Variants in MSRB3 observed in about 807,000 individuals in gnomAD.
MSRB3 encodes the protein methionine sulfoxide reductase B3, also known as methionine-R-sulfoxide reductase B3.
MSRB3 carries 13 observed loss-of-function variants against 21.0 expected under a neutral mutation model. The observed-to-expected ratio is 0.62, with a 90% CI of 0.40 to 0.98. MSRB3 has a LOEUF of 0.98. Ranked by LOEUF, MSRB3 falls within the 50% of genes least tolerant of loss-of-function variation. MSRB3 has a pLI of 0.00. For synonymous variants in MSRB3, 87 were observed against 88.6 expected, an observed-to-expected ratio of 0.98 and a Z score of 0.10; for missense variants, 199 against 230.3, an observed-to-expected ratio of 0.86 and a Z score of 0.88.
intron 4 of MSRB3, among the ~76,000 whole-genome samples, chr12:65,357,653 T>A (rs1218051881): frequency 2.0e-5 from 3 of 151,980 alleles, no homozygotes; most frequent in African/African-American, 7.2e-5. Context: ...TTCTCTTGGC[T>A]GTGACAGTTT....
chr12:65,405,281 A>G (rs1880351006), intron 5 of MSRB3, among the ~76,000 whole-genome samples: 1 of 152,090 alleles, frequency 6.6e-6, no homozygotes, highest in South Asian at 2.1e-4. Flanking sequence ...CAACTTTTTA[A>G]GATTCCACAT....
In MSRB3 at chr12:65,466,532, A is replaced by G. The variant is rs377347676; in HGVS notation, c.*3210A>G. 7.2e-5 allele frequency: 11 copies of G among 152,288 alleles called. No homozygotes were observed. The East Asian group carries it at 2.1e-3, about 29-fold the overall frequency. The allele number at this position is 152,288 out of a possible 1,614,324, so 9.4% of individuals were successfully genotyped here. On this transcript the variant is annotated 3_prime_UTR_variant, in exon 7 of 7. Coordinates refer to ENST00000308259, the MANE Select transcript of MSRB3 (RefSeq NM_001031679.3). ...AAGATGCAGAATTCTGTTGGTGTGC[A>G]AAAAGTATAGCCTTACATTCAAGCA...
intron 5 of MSRB3, among the ~76,000 whole-genome samples, chr12:65,435,067 T>G (rs1292551159): frequency 1.3e-5 from 2 of 151,888 alleles, no homozygotes; most frequent in Admixed American, 1.3e-4. Flanking sequence ...ACTTAATGAC[T>G]AAGTGGATAT....
chr12:65,396,696 A>AGAAAGAAAGAAAG (rs1555209314), intron 5 of MSRB3, among the ~76,000 whole-genome samples: 6 of 23,506 alleles, frequency 2.6e-4, no homozygotes, highest in African/African-American at 7.3e-4. Flanking sequence ...CATCTCAAAA[A>AGAAAGAAAGAAAG]AAAAAAAAAA....
chr12:65,288,603 A>G (rs1872519692), intron 1 of MSRB3, among the ~76,000 whole-genome samples: 1 of 152,204 alleles, frequency 6.6e-6, no homozygotes, highest in African/African-American at 2.4e-5. Flanking sequence ...CAGAAGCATC[A>G]TATTAAATAT....
intron 5 of MSRB3, among the ~76,000 whole-genome samples, chr12:65,412,881 A>G (rs891037479): frequency 6.6e-6 from 1 of 152,196 alleles, no homozygotes; most frequent in Non-Finnish European, 1.5e-5. Context: ...GCAAGGTGGC[A>G]GGAAGGAGAA....
At chr12:65,425,487 G>T (rs916884010) in intron 5 of MSRB3, among the ~76,000 whole-genome samples, 1 of 151,690 alleles carries the variant, frequency 6.6e-6, no homozygotes, top group African/African-American at 2.4e-5. Context: ...TGGTATTTTT[G>T]ATTTCTCACT....
intron 5 of MSRB3, among the ~76,000 whole-genome samples, chr12:65,444,230 C>T (rs1196937330): frequency 6.6e-6 from 1 of 152,112 alleles, no homozygotes; most frequent in African/African-American, 2.4e-5. Context: ...AAGCTCCAGC[C>T]ATATTGATTG....
chr12:65,390,541 C>T (rs972125970), intron 5 of MSRB3, among the ~76,000 whole-genome samples: 3 of 152,174 alleles, frequency 2.0e-5, no homozygotes, highest in Non-Finnish European at 2.9e-5. Context: ...GAGATGTTTA[C>T]TCTTGAATAT....
At chr12:65,331,554 C>G (rs1160491217) in intron 4 of MSRB3, among the ~76,000 whole-genome samples, 2 of 152,196 alleles carry the variant, frequency 1.3e-5, no homozygotes, top group Non-Finnish European at 2.9e-5. Flanking sequence ...GAAATTTACC[C>G]TCTGGGATGC....
At chr12:65,288,486 T>G (rs1038416128) in intron 1 of MSRB3, among the ~76,000 whole-genome samples, 3 of 152,200 alleles carry the variant, frequency 2.0e-5, no homozygotes, top group Non-Finnish European at 4.4e-5. Flanking sequence ...GCATCTAAGA[T>G]CTTATGTTTG....
chr12:65,416,563 A>G (rs545181883), intron 5 of MSRB3, among the ~76,000 whole-genome samples: 11 of 152,356 alleles, frequency 7.2e-5, no homozygotes, highest in Non-Finnish European at 1.5e-4. Context: ...CTTTTAGGCT[A>G]CTAACCTCCA....
intron 5 of MSRB3, among the ~76,000 whole-genome samples, chr12:65,389,465 A>G (rs927355763): frequency 2.0e-4 from 31 of 151,846 alleles, no homozygotes; most frequent in Non-Finnish European, 4.1e-4. Context: ...CCACTTATTA[A>G]CTTTCATCAT....
chr12:65,419,772 G>T, intron 5 of MSRB3: 2 of 1,063,354 alleles, frequency 1.9e-6, no homozygotes, highest in Non-Finnish European at 2.9e-6. Flanking sequence ...GCTTTGCATG[G>T]TCTCCTTCTC....
intron 4 of MSRB3, among the ~76,000 whole-genome samples, chr12:65,348,708 T>C (rs1406065330): frequency 6.6e-6 from 1 of 152,178 alleles, no homozygotes. Context: ...CTTCCTGCTT[T>C]CTCTTGTGGG....
chr12:65,312,753 A>G (rs1407724435), intron 2 of MSRB3, among the ~76,000 whole-genome samples: 5 of 152,242 alleles, frequency 3.3e-5, no homozygotes, highest in South Asian at 2.1e-4. Context: ...CTAGAACTCC[A>G]TGAATCAGCG....
intron 5 of MSRB3, among the ~76,000 whole-genome samples, chr12:65,386,012 G>T (rs1879180921): frequency 6.6e-6 from 1 of 151,660 alleles, no homozygotes; most frequent in South Asian, 2.1e-4. Flanking sequence ...GTACACTTTT[G>T]TCTCTGACCC....
intron 5 of MSRB3, among the ~76,000 whole-genome samples, chr12:65,416,014 G>A (rs1031928669): frequency 6.6e-6 from 1 of 152,172 alleles, no homozygotes; most frequent in African/African-American, 2.4e-5. Flanking sequence ...TGGGTAAGGT[G>A]GGATCTCCAG....
At chr12:65,332,292 G>GGT (rs369716664) in intron 4 of MSRB3, among the ~76,000 whole-genome samples, 5,079 of 150,188 alleles carry the variant, frequency 0.034, 250 homozygotes, top group African/African-American at 0.11. Flanking sequence ...AAACAATTGA[G>GGT]GTGTGTGTGT....
Sources: gnomAD v4.1 joint callset for allele counts (sites outside exome capture counted in the v4.1 genomes callset) on GRCh38, gnomAD v4.1.1 for gene constraint, MANE v1.5 for transcripts, NCBI Gene and HGNC (gene_info 2026-07-23, HGNC 2026-07-21) for gene names.